Variants in CLN6 observed in about 807,000 individuals in gnomAD.
CLN6 encodes CLN6 transmembrane ER protein.
In CLN6, 22 loss-of-function variants were observed where a neutral mutation model predicts 33.3. The observed-to-expected ratio is 0.66, with a 90% confidence interval of 0.47 to 0.94. The LOEUF (loss-of-function observed/expected upper bound fraction) is 0.94. CLN6 is among the 40% of genes least tolerant of loss of function. The pLI is 0.00. For synonymous variants in CLN6, 201 were observed against 174.6 expected (o/e 1.15, Z -1.19); for missense variants, 387 against 417.1 (o/e 0.93, Z 0.63).
chr15:68,231,689 T>C (rs2093268922), upstream of CLN6, among the ~76,000 whole-genome samples: 1 of 152,242 alleles, frequency 6.6e-6, no homozygotes, highest in African/African-American at 2.4e-5. Context: ...TCTAGCTCAT[T>C]TAATCCTCCA....
At chr15:68,237,317 CAA>C (rs575751381) in intron 1 of CLN6, among the ~76,000 whole-genome samples, 1 of 135,192 alleles carries the variant, frequency 7.4e-6, no homozygotes, top group Non-Finnish European at 1.6e-5. Context: ...CCTATCTCTA[CAA>C]AAAAAAAAAA....
At position 68,211,411 on chromosome 15, in the gene CLN6, T is replaced by A; in HGVS notation, c.487-93A>T. 1 of 1,537,316 alleles carries A rather than the reference T, an allele frequency of 6.5e-7. No homozygotes were observed. Among genetic ancestry groups the A allele is most frequent in the Non-Finnish European group, 9.0e-7 (1 of 1,112,752 alleles). ...CAAGCATCCCCTCTGACCACCCTTCTCCCAGTCCCAGGCCTCCCCCACTGC... is the reference window on the plus strand; with the variant it reads ...CAAGCATCCCCTCTGACCACCCTTCACCCAGTCCCAGGCCTCCCCCACTGC... On this transcript the variant is annotated intron_variant, in intron 4 of 6. Transcript: ENST00000249806. This position sits in a 1 kb window ranked among gnomAD's most constrained non-coding sequence, Gnocchi z 5.9.
chr15:68,254,414 G>A (rs1156446770), intron 1 of CLN6: 1 of 268,352 alleles, frequency 3.7e-6, no homozygotes, highest in East Asian at 9.3e-5. Flanking sequence ...CGTGGCAAGG[G>A]AGCACTTGAA....
Position 68,229,537 on chromosome 15 carries a change from TG to T in CLN6, c.47del (p.Pro16GlnfsTer17). 6.8e-7 allele frequency: 1 copy of T among 1,467,602 alleles called. No individual in the cohort carries two copies. The highest frequency in any genetic ancestry group is 9.0e-7 in the Non-Finnish European group (1 of 1,114,624). 90.9% of individuals were successfully genotyped at this position (1,467,602 alleles called of 1,614,324 possible). A position where few individuals can be genotyped will look rare whatever the true frequency, so the allele number is the denominator to read the frequency against. ...RRQHLGATGG[P>X]GAQLGASFLQ... The stretch of plus-strand genomic sequence containing the variant: ...GGAAGGAGGCGCCCAGCTGCGCGCC[TG>T]GGCCGCCCGTCGCTCCCAGGTGCTG... On this transcript the variant is annotated frameshift_variant, in exon 1 of 7. Coordinates refer to ENST00000249806, the MANE Select transcript of CLN6 (RefSeq NM_017882.3).
intron 1 of CLN6, among the ~76,000 whole-genome samples, chr15:68,244,732 A>G (rs1021658111): frequency 6.6e-6 from 1 of 152,162 alleles, no homozygotes; most frequent in Non-Finnish European, 1.5e-5. Flanking sequence ...AGAGAAATCT[A>G]TCAAAAACAG....
chr15:68,211,434 T>C lies in CLN6; in HGVS notation c.487-116A>G. ...TCTCCCAGTCCCAGGCCTCCCCCAC[T>C]GCCTTATTCCCTACCCGGGGCCTCG... On this transcript the variant is annotated intron_variant, in intron 4 of 6. Coordinates refer to ENST00000249806, the MANE Select transcript of CLN6 (RefSeq NM_017882.3). This position sits in a 1 kb window ranked among gnomAD's most constrained non-coding sequence, Gnocchi z 5.9. 1.3e-6 allele frequency: 2 copies of C among 1,534,478 alleles called. No individual in the cohort carries two copies. The highest frequency in any genetic ancestry group is 1.8e-6 in the Non-Finnish European group (2 of 1,113,512).
intron 2 of CLN6, chr15:68,214,822 A>G (rs753676252): frequency 1.4e-4 from 39 of 277,086 alleles, no homozygotes; most frequent in Non-Finnish European, 2.4e-4. Context: ...GAGGTGGCCC[A>G]GAGGGCCTAC....
rs959229395 is a variant in CLN6, at chr15:68,210,531, C to T, written c.542+732G>A. On this transcript the variant is annotated intron_variant, in intron 5 of 6. Coordinates refer to ENST00000249806, the MANE Select transcript of CLN6 (RefSeq NM_017882.3). The surrounding 1 kb of genome is among the most constrained non-coding windows in gnomAD (Gnocchi z 5.6). ...GTGCAGGGTGCGTGTGCTGTGAGCA[C>T]CAACTCAGGAGTGAGCCGGGTCCAG... Among the ~76,000 whole-genome samples the T allele has an allele frequency of 2.0e-5, 3 of 152,192 alleles. No homozygotes were observed. The highest frequency in any genetic ancestry group is 4.4e-5 in the Non-Finnish European group (3 of 68,028).
In CLN6 at chr15:68,229,554, C is replaced by T; in HGVS notation, c.31G>A (p.Gly11Arg). 1.4e-6 allele frequency: 2 copies of T among 1,469,672 alleles called. No individual in the cohort carries two copies. Among genetic ancestry groups the T allele is most frequent in the Non-Finnish European group, 9.0e-7 (1 of 1,115,582 alleles). 91.0% of individuals were successfully genotyped at this position (1,469,672 alleles called of 1,614,324 possible). The part of the protein sequence containing the change: MEATRRRQHL[G>R]ATGGPGAQLG... ...TGCGCGCCTGGGCCGCCCGTCGCTC[C>T]CAGGTGCTGCCGCCTCCGCGTCGCC... The change falls in exon 1 of 7, where the codon GGA (glycine) becomes AGA (arginine). Residue 11 changes from glycine to arginine, a missense_variant. Coordinates refer to ENST00000249806, the MANE Select transcript of CLN6 (RefSeq NM_017882.3).
In CLN6 at chr15:68,208,476, T is replaced by C; in HGVS notation, c.666-66A>G. On this transcript the variant is annotated intron_variant, in intron 6 of 6. Coordinates refer to ENST00000249806, the MANE Select transcript of CLN6 (RefSeq NM_017882.3). This position sits in a 1 kb window ranked among gnomAD's most constrained non-coding sequence, Gnocchi z 5.8. ...CCCCGTCCTGCCTGGCATCCCTTCC[T>C]GTGTGCGAGAGCCAGGCTGCCCTCC... 6.3e-7 allele frequency: 1 copy of C among 1,587,332 alleles called. No individual in the cohort carries two copies. The highest frequency in any genetic ancestry group is 8.6e-7 in the Non-Finnish European group (1 of 1,163,116).
intron 3 of CLN6, chr15:68,213,286 C>T (rs8031661): frequency 0.55 from 83,272 of 150,438 alleles, 23,426 homozygotes; most frequent in African/African-American, 0.61. Context: ...TTGCCCGGGC[C>T]GGAGTGCAAT....
chr15:68,251,870 G>A (rs1892382436), intron 1 of CLN6, among the ~76,000 whole-genome samples: 1 of 151,436 alleles, frequency 6.6e-6, no homozygotes, highest in African/African-American at 2.4e-5. Flanking sequence ...GTTGTTAACT[G>A]CAAAAATGCA....
rs4777028 is a variant in CLN6 at position 68,241,496 on chromosome 15, C to T, written c.179+15194G>A. ...CTGGAAAAAGTGAGATTGAGGTGGA[C>T]GACTAGCTTTTCCACCATTGTGGGT... On this transcript the variant is annotated intron_variant, in intron 1 of 6. Transcript: ENST00000538696. The surrounding 1 kb of genome is among the most constrained non-coding windows in gnomAD (Gnocchi z 4.2). Among the ~76,000 whole-genome samples, 3 of 152,128 alleles carry T rather than the reference C, an allele frequency of 2.0e-5. No homozygotes were observed. The highest frequency in any genetic ancestry group is 2.1e-4 in the South Asian group (1 of 4,834).
rs888495034 is a variant in CLN6, at chr15:68,220,163, C to G, written c.84-1513G>C. ...TCTCATTTTCTAGTGGCAGGCAAGA[C>G]AGGTTGGGTAGGCCTTCCCTAGGTC... is the stretch of plus-strand genomic sequence containing the variant. On this transcript the variant is annotated intron_variant, in intron 1 of 6. Transcript: ENST00000249806. This position sits in a 1 kb window ranked among gnomAD's most constrained non-coding sequence, Gnocchi z 4.2. Among the ~76,000 whole-genome samples the G allele has an allele frequency of 1.3e-5, 2 of 152,196 alleles. No individual in the cohort carries two copies. Among genetic ancestry groups the G allele is most frequent in the African/African-American group, 4.8e-5 (2 of 41,440 alleles).
At chr15:68,254,600 C>T (rs910663607) in intron 1 of CLN6, 7 of 591,876 alleles carry the variant, frequency 1.2e-5, no homozygotes, top group African/African-American at 5.6e-5. Context: ...ACGCTCCCAG[C>T]GCCTATGTCC....
intron 1 of CLN6, among the ~76,000 whole-genome samples, chr15:68,237,834 G>A (rs574104876): frequency 3.9e-4 from 59 of 152,190 alleles, no homozygotes; most frequent in Non-Finnish European, 6.9e-4. Flanking sequence ...ATATCAAGAA[G>A]TGCCTCACAG....
chr15:68,211,850 G>T lies in CLN6; in HGVS notation c.311C>A (p.Ser104Tyr), dbSNP rs777921628. Residue 104 changes from serine to tyrosine, a missense_variant, in exon 4 of 7, where the codon TCC becomes TAC. Ser to Tyr is a moderately radical substitution (Grantham distance 144). Transcript: ENST00000249806. The surrounding 1 kb of genome is among the most constrained non-coding windows in gnomAD (Gnocchi z 5.9). ...GATGGAGCGTGGCAGGGTGCGGGGGGACCGCTCGATGAGCTGGGGTTCAGA... is the reference window on the plus strand; with the variant it reads ...GATGGAGCGTGGCAGGGTGCGGGGGTACCGCTCGATGAGCTGGGGTTCAGA... ...PFLLLKLIER[S>Y]PRTLPRSITY... 3 of 1,613,514 alleles carry T rather than the reference G, an allele frequency of 1.9e-6. No homozygotes were observed. The highest frequency in any genetic ancestry group is 1.3e-5 in the African/African-American group (1 of 74,888).
At chr15:68,253,165 A>T (rs145925517) in intron 1 of CLN6, among the ~76,000 whole-genome samples, 1 of 152,234 alleles carries the variant, frequency 6.6e-6, no homozygotes, top group Non-Finnish European at 1.5e-5. Flanking sequence ...GTGTAAATGG[A>T]CATGTACCTA....
In CLN6 at chr15:68,211,215, A is replaced by G. The variant is rs995932461; in HGVS notation, c.542+48T>C. ...GTGTCCCTGAGCCAGTGACAGGGCTAGCCGGTAGTTGGGGCCCCTGGGATA... is the reference window on the plus strand; with the variant it reads ...GTGTCCCTGAGCCAGTGACAGGGCTGGCCGGTAGTTGGGGCCCCTGGGATA... On this transcript the variant is annotated intron_variant, in intron 5 of 6. Coordinates refer to ENST00000249806, the MANE Select transcript of CLN6 (RefSeq NM_017882.3). The surrounding 1 kb of genome is among the most constrained non-coding windows in gnomAD (Gnocchi z 5.9). The G allele has an allele frequency of 3.9e-6, 6 of 1,524,930 alleles. No individual in the cohort carries two copies. Among genetic ancestry groups the G allele is most frequent in the Non-Finnish European group, 5.5e-6 (6 of 1,098,802 alleles). The allele number at this position is 1,524,930 out of a possible 1,614,324, so 94.5% of individuals were successfully genotyped here.
Sources: gnomAD v4.1 joint callset for allele counts (sites outside exome capture counted in the v4.1 genomes callset) on GRCh38, gnomAD v4.1.1 for gene constraint, Gnocchi (gnomAD v3.1) non-coding constraint, MANE v1.5 for transcripts, NCBI Gene and HGNC (gene_info 2026-07-23, HGNC 2026-07-21) for gene names.